Variants in ELAVL2 observed in about 807,000 individuals in gnomAD.
ELAVL2 encodes the protein ELAV like RNA binding protein 2.
In ELAVL2, 4 loss-of-function variants were observed where a neutral mutation model predicts 34.6. That is an observed-to-expected ratio of 0.12 (90% confidence interval 0.06 to 0.26). The LOEUF is 0.26. Ranked by LOEUF, ELAVL2 falls within the 10% of genes least tolerant of loss-of-function variation. The pLI is 1.00. For missense variants in ELAVL2, 432 were observed against 442.8 expected (o/e 0.98, Z 0.22); for synonymous variants, 193 against 154.8 (o/e 1.25, Z -1.83).
intron 2 of ELAVL2, among the ~76,000 whole-genome samples, chr9:23,740,813 C>T (rs1486046112): frequency 1.3e-5 from 2 of 152,198 alleles, no homozygotes; most frequent in African/African-American, 2.4e-5. Flanking sequence ...CTTTTCCAAA[C>T]TCAGAAAGCA....
chr9:23,756,559 AACAC>A (rs146842807), intron 2 of ELAVL2, among the ~76,000 whole-genome samples: 2 of 151,270 alleles, frequency 1.3e-5, no homozygotes, highest in East Asian at 1.9e-4. Flanking sequence ...ATTACACTTA[AACAC>A]ACACACACAC....
intron 1 of ELAVL2, among the ~76,000 whole-genome samples, chr9:23,802,371 A>T (rs1032545741): frequency 6.6e-5 from 10 of 152,198 alleles, no homozygotes; most frequent in Non-Finnish European, 1.2e-4. Context: ...AAGCCCCAAG[A>T]CTTGGCCAAA....
upstream of ELAVL2, among the ~76,000 whole-genome samples, chr9:23,828,345 T>C (rs1466414297): frequency 6.6e-6 from 1 of 152,192 alleles, no homozygotes; most frequent in Non-Finnish European, 1.5e-5. Context: ...TTTCAGTACA[T>C]TGAAGTAAAT....
At chr9:23,701,909 C>A (rs1303801947) in intron 4 of ELAVL2, among the ~76,000 whole-genome samples, 3 of 152,166 alleles carry the variant, frequency 2.0e-5, no homozygotes, top group Non-Finnish European at 2.9e-5. Context: ...TCTCTCCCAC[C>A]TCCCTCCCGT....
chr9:23,762,458 T>G (rs1036355114), intron 1 of ELAVL2, among the ~76,000 whole-genome samples: 1 of 152,142 alleles, frequency 6.6e-6, no homozygotes, highest in Admixed American at 6.6e-5. Flanking sequence ...CACATACATA[T>G]TCCATACATG....
Position 23,705,258 on chromosome 9 carries a change from T to C in ELAVL2, c.334-187A>G, listed in dbSNP as rs80052308. Among the ~76,000 whole-genome samples the C allele has an allele frequency of 4.1e-3, 631 of 152,236 alleles. 4 individuals are homozygous for C. The highest frequency in any genetic ancestry group is 0.015 in the African/African-American group (615 of 41,536). ...AGACAAATGGGTAGTAGTATTCCCA[T>C]TCCCTCTCCCCTAGGTGGACAGGGA... On this transcript the variant is annotated intron_variant, in intron 3 of 6. Coordinates refer to ENST00000397312, the MANE Select transcript of ELAVL2 (RefSeq NM_004432.5).
chr9:23,718,476 T>C (rs1221715966), intron 3 of ELAVL2, among the ~76,000 whole-genome samples: 1 of 152,166 alleles, frequency 6.6e-6, no homozygotes, highest in Non-Finnish European at 1.5e-5. Context: ...GTAGAAACTG[T>C]ACCAGTTTTT....
intron 1 of ELAVL2, among the ~76,000 whole-genome samples, chr9:23,799,429 C>G (rs1484788004): frequency 6.6e-6 from 1 of 152,176 alleles, no homozygotes; most frequent in Non-Finnish European, 1.5e-5. Context: ...TGGACTAGAA[C>G]CTAGATGTCC....
At chr9:23,727,131 G>T (rs2045409685) in intron 3 of ELAVL2, among the ~76,000 whole-genome samples, 1 of 152,010 alleles carries the variant, frequency 6.6e-6, no homozygotes, top group African/African-American at 2.4e-5. Flanking sequence ...GGGATACTGT[G>T]GGCAGGCTTA....
intron 1 of ELAVL2, among the ~76,000 whole-genome samples, chr9:23,764,785 T>A (rs927667224): frequency 6.6e-6 from 1 of 152,112 alleles, no homozygotes; most frequent in African/African-American, 2.4e-5. Context: ...CTAATTTAGA[T>A]TGTAAAAAAA....
intron 3 of ELAVL2, among the ~76,000 whole-genome samples, chr9:23,725,262 A>G (rs920315495): frequency 1.3e-5 from 2 of 152,168 alleles, no homozygotes; most frequent in Non-Finnish European, 2.9e-5. Flanking sequence ...ATGCGCACCC[A>G]GAACACACTT....
intron 1 of ELAVL2, among the ~76,000 whole-genome samples, chr9:23,782,268 G>A (rs993544420): frequency 4.6e-5 from 7 of 152,188 alleles, no homozygotes; most frequent in Middle Eastern, 3.2e-3. Flanking sequence ...AAAGTACATC[G>A]TAAGCATTTG....
At chr9:23,814,883 C>A in intron 1 of ELAVL2, among the ~76,000 whole-genome samples, 1 of 152,136 alleles carries the variant, frequency 6.6e-6, no homozygotes, top group East Asian at 1.9e-4. Context: ...CATCCTTACC[C>A]AATTCACTGA....
intron 2 of ELAVL2, among the ~76,000 whole-genome samples, chr9:23,745,818 T>C (rs564625068): frequency 2.0e-5 from 3 of 152,300 alleles, no homozygotes; most frequent in South Asian, 2.1e-4. Context: ...ATGGCTCTCC[T>C]TAGCTACTAA....
chr9:23,792,894 C>T (rs2060490484), intron 1 of ELAVL2, among the ~76,000 whole-genome samples: 1 of 152,150 alleles, frequency 6.6e-6, no homozygotes, highest in Admixed American at 6.5e-5. Flanking sequence ...CGTCGGCCTT[C>T]CAAGTATCTG....
chr9:23,730,225 G>A (rs139973193), intron 3 of ELAVL2, among the ~76,000 whole-genome samples: 1 of 152,090 alleles, frequency 6.6e-6, no homozygotes, highest in Non-Finnish European at 1.5e-5. Context: ...TCTATGCTGT[G>A]AATTAGATTA....
chr9:23,827,434 C>T (rs973696561), upstream of ELAVL2, among the ~76,000 whole-genome samples: 1 of 152,158 alleles, frequency 6.6e-6, no homozygotes, highest in African/African-American at 2.4e-5. Flanking sequence ...TAAGTAGACA[C>T]AATATTCATT....
intron 3 of ELAVL2, among the ~76,000 whole-genome samples, chr9:23,715,627 C>T (rs528744292): frequency 5.9e-5 from 9 of 152,194 alleles, no homozygotes; most frequent in Non-Finnish European, 1.3e-4. Context: ...AGTATTCTTT[C>T]AAGATTCTGA....
At chr9:23,808,717 T>C (rs1032775097) in intron 1 of ELAVL2, among the ~76,000 whole-genome samples, 3 of 152,152 alleles carry the variant, frequency 2.0e-5, no homozygotes, top group African/African-American at 4.8e-5. Flanking sequence ...TGTCATCAAA[T>C]TGCCACATTT....
Sources: gnomAD v4.1 joint callset for allele counts (sites outside exome capture counted in the v4.1 genomes callset) on GRCh38, gnomAD v4.1.1 for gene constraint, MANE v1.5 for transcripts, NCBI Gene and HGNC (gene_info 2026-07-23, HGNC 2026-07-21) for gene names.